OXR1: variants seen among roughly 807,000 people sequenced by gnomAD.
OXR1 encodes oxidation resistance 1, also known as oxidation resistance protein 1.
In OXR1, 41 loss-of-function variants were observed where a neutral mutation model predicts 104.6. That is an observed-to-expected ratio of 0.39 (90% confidence interval 0.31 to 0.51). OXR1 has a LOEUF of 0.51. Among genes scored for constraint, OXR1 ranks in the 20% least tolerant of loss-of-function variants. OXR1 has a pLI of 0.77. For missense variants in OXR1, 955 were observed against 1,031.9 expected (o/e 0.93, Z 1.02); for synonymous variants, 348 against 348.4 (o/e 1.00, Z 0.01).
At chr8:106,448,045 C>G in intron 2 of OXR1, 2 of 1,535,840 alleles carry the variant, frequency 1.3e-6, no homozygotes, top group South Asian at 2.4e-5. Context: ...AAAAACAGCC[C>G]AGGGTAGGTG....
chr8:106,562,460 A>T (rs1016325463), intron 3 of OXR1, among the ~76,000 whole-genome samples: 1 of 152,226 alleles, frequency 6.6e-6, no homozygotes, highest in Non-Finnish European at 1.5e-5. Context: ...TCCTAGAAAT[A>T]TAGGACTATG....
intron 1 of OXR1, among the ~76,000 whole-genome samples, chr8:106,320,790 G>A (rs1454370118): frequency 6.6e-6 from 1 of 152,096 alleles, no homozygotes; most frequent in Non-Finnish European, 1.5e-5. Flanking sequence ...TTGTGCCTCA[G>A]CCTCCCGAGT....
intron 2 of OXR1, among the ~76,000 whole-genome samples, chr8:106,445,556 G>T (rs1051128297): frequency 1.3e-5 from 2 of 152,242 alleles, no homozygotes; most frequent in African/African-American, 4.8e-5. Context: ...TCCTATGCAC[G>T]CTCTCACTTA....
chr8:106,561,678 T>A (rs1816693405), intron 3 of OXR1, among the ~76,000 whole-genome samples: 1 of 152,184 alleles, frequency 6.6e-6, no homozygotes, highest in Non-Finnish European at 1.5e-5. Context: ...GCCTCCTGAA[T>A]GGGAGACACC....
At chr8:106,465,645 G>A (rs1397122084) in intron 2 of OXR1, among the ~76,000 whole-genome samples, 1 of 151,838 alleles carries the variant, frequency 6.6e-6, no homozygotes, top group Admixed American at 6.6e-5. Flanking sequence ...ATTTGATGAG[G>A]GACCAGTTGT....
intron 12 of OXR1, among the ~76,000 whole-genome samples, chr8:106,739,157 CTTAA>C (rs1217512220): frequency 2.0e-5 from 3 of 150,824 alleles, no homozygotes; most frequent in South Asian, 2.1e-4. Flanking sequence ...CCTTCAAGGG[CTTAA>C]TTAAAGATGC....
intron 8 of OXR1, among the ~76,000 whole-genome samples, 186 bp from the exon 9 acceptor site, chr8:106,706,192 ATTAC>A (rs1333424816): frequency 1.3e-5 from 2 of 152,158 alleles, no homozygotes; most frequent in Non-Finnish European, 2.9e-5. Flanking sequence ...GATTTATAGA[ATTAC>A]TTGGTCTATA....
chr8:106,316,718 AT>A, intron 1 of OXR1, among the ~76,000 whole-genome samples: 1 of 9,092 alleles, frequency 1.1e-4, no homozygotes, highest in Non-Finnish European at 2.9e-4. Flanking sequence ...TCTATCTATC[AT>A]CTATCTATCT....
chr8:106,404,124 G>C (rs1382631718), intron 2 of OXR1, among the ~76,000 whole-genome samples: 1 of 152,076 alleles, frequency 6.6e-6, no homozygotes, highest in African/African-American at 2.4e-5. Context: ...AGGTTGTTGG[G>C]GGACAAATCA....
intron 1 of OXR1, among the ~76,000 whole-genome samples, chr8:106,284,769 T>G (rs1041711215): frequency 6.6e-6 from 1 of 151,880 alleles, no homozygotes; most frequent in African/African-American, 2.4e-5. Context: ...TTTGTAAAGT[T>G]TCCATTATAA....
chr8:106,406,928 G>T (rs1434176688), intron 2 of OXR1, among the ~76,000 whole-genome samples: 1 of 139,324 alleles, frequency 7.2e-6, no homozygotes, highest in Non-Finnish European at 1.5e-5. Context: ...TGCGGTTCTT[G>T]CTGTTAAAAG....
chr8:106,351,652 G>C (rs1429441058), intron 1 of OXR1, among the ~76,000 whole-genome samples: 1 of 152,184 alleles, frequency 6.6e-6, no homozygotes, highest in Non-Finnish European at 1.5e-5. Context: ...GCAGGTGTCA[G>C]ATCACCTGGA....
chr8:106,501,971 A>G (rs1811844001), intron 2 of OXR1, among the ~76,000 whole-genome samples: 1 of 152,222 alleles, frequency 6.6e-6, no homozygotes, highest in Admixed American at 6.5e-5. Context: ...TTTGGGGTTA[A>G]GCTTTGACTT....
intron 2 of OXR1, among the ~76,000 whole-genome samples, chr8:106,489,480 C>T (rs1028034333): frequency 1.3e-5 from 2 of 152,084 alleles, no homozygotes; most frequent in African/African-American, 4.8e-5. Context: ...GCCAAAAATA[C>T]AAACATTTGA....
chr8:106,565,731 C>T (rs549154747), intron 3 of OXR1, among the ~76,000 whole-genome samples: 15 of 152,226 alleles, frequency 9.9e-5, no homozygotes, highest in Admixed American at 3.3e-4. Flanking sequence ...TAAAACTATA[C>T]TACAAGGTTA....
At chr8:106,341,439 C>A (rs2130268267) in intron 1 of OXR1, among the ~76,000 whole-genome samples, 1 of 132,538 alleles carries the variant, frequency 7.5e-6, no homozygotes, top group African/African-American at 3.7e-5. Flanking sequence ...TAAAAGACAA[C>A]TAAATGTGAT....
chr8:106,563,402 C>T lies in OXR1; in HGVS notation c.220+44263C>T, dbSNP rs542655804. The stretch of plus-strand genomic sequence containing the variant: ...TCCAAGAAGACAAAGAAGGACACTA[C>T]ATAATGATAAAGGTATCAATGCAAC... On this transcript the variant is annotated intron_variant, in intron 3 of 16. Coordinates refer to ENST00000517566, the MANE Select transcript of OXR1 (RefSeq NM_001198533.2). Among the ~76,000 whole-genome samples the T allele has an allele frequency of 9.2e-5, 14 of 151,920 alleles. No homozygotes were observed. The East Asian group carries it at 2.3e-3, about 25-fold the overall frequency.
chr8:106,417,049 G>T (rs967858480), intron 2 of OXR1, among the ~76,000 whole-genome samples: 17 of 151,910 alleles, frequency 1.1e-4, no homozygotes, highest in African/African-American at 3.1e-4. Context: ...GAGACTTTAG[G>T]AATATTGCAC....
intron 2 of OXR1, among the ~76,000 whole-genome samples, chr8:106,507,795 T>C (rs972736456): frequency 2.0e-5 from 3 of 152,172 alleles, no homozygotes; most frequent in Non-Finnish European, 4.4e-5. Flanking sequence ...AGGAAGTTTT[T>C]CTCCCTTTCC....
Sources: gnomAD v4.1 joint callset for allele counts (sites outside exome capture counted in the v4.1 genomes callset) on GRCh38, gnomAD v4.1.1 for gene constraint, MANE v1.5 for transcripts, NCBI Gene and HGNC (gene_info 2026-07-23, HGNC 2026-07-21) for gene names.